The following FSTL5 variants were observed in gnomAD, a reference collection of about 807,000 sequenced individuals.
FSTL5 encodes follistatin like 5.
In FSTL5, 62 loss-of-function variants were observed where a neutral mutation model predicts 89.1. That is an observed-to-expected ratio of 0.70 (90% CI 0.57 to 0.86). The LOEUF (loss-of-function observed/expected upper bound fraction) is 0.86, where lower values mean the gene tolerates loss of function less well. Among genes scored for constraint, FSTL5 ranks in the 40% least tolerant of loss-of-function variants. The pLI is 0.00. For synonymous variants in FSTL5, 383 were observed against 346.2 expected, an observed-to-expected ratio of 1.11 and a Z score of -1.18; for missense variants, 1,057 against 1,001.6, an observed-to-expected ratio of 1.06 and a Z score of -0.75.
chr4:161,536,754 C>G (rs1052723422), intron 10 of FSTL5, among the ~76,000 whole-genome samples: 2 of 152,110 alleles, frequency 1.3e-5, no homozygotes, highest in Admixed American at 6.6e-5. Flanking sequence ...AGGTGTTTTA[C>G]TGTTGTAACT....
chr4:161,976,636 C>A (rs569294451), intron 3 of FSTL5, among the ~76,000 whole-genome samples: 1 of 152,126 alleles, frequency 6.6e-6, no homozygotes, highest in African/African-American at 2.4e-5. Flanking sequence ...CGCCCGCCAC[C>A]ACGCCTGGCT....
In FSTL5 at chr4:161,426,723, CTG is replaced by C. The variant is rs149810697; in HGVS notation, c.1841+28279_1841+28280del. 2.3e-3 allele frequency among the ~76,000 whole-genome samples: 352 copies of C among 152,298 alleles called. 1 individual carries two copies. Among genetic ancestry groups the C allele is most frequent in the African/African-American group, 8.1e-3 (338 of 41,564 alleles). ...TCTCCTTCCTCAGCCTCCCGAGTAA[CTG>C]TGAAGAAAAGTAAAACAACCTTACT... On this transcript the variant is annotated intron_variant, in intron 15 of 15. Transcript: ENST00000306100.
chr4:161,611,222 A>C (rs1394147142), intron 7 of FSTL5, among the ~76,000 whole-genome samples: 1 of 116,296 alleles, frequency 8.6e-6, no homozygotes. Flanking sequence ...ATATGTGTGT[A>C]TGTGTATACA....
intron 6 of FSTL5, among the ~76,000 whole-genome samples, chr4:161,702,644 C>T (rs1021424993): frequency 3.3e-5 from 5 of 152,118 alleles, no homozygotes; most frequent in Non-Finnish European, 7.4e-5. Context: ...CTGTAGAATG[C>T]TTTTATAAGT....
intron 6 of FSTL5, among the ~76,000 whole-genome samples, chr4:161,657,506 A>C (rs571707292): frequency 3.3e-5 from 5 of 152,298 alleles, no homozygotes; most frequent in African/African-American, 1.2e-4. Context: ...GATATTTGTC[A>C]CTGGGGTTGA....
chr4:161,742,726 A>G (rs1014474968), intron 6 of FSTL5, among the ~76,000 whole-genome samples: 1 of 152,184 alleles, frequency 6.6e-6, no homozygotes, highest in Admixed American at 6.5e-5. Context: ...ATGAACAATC[A>G]TGCAGTTGCA....
intron 2 of FSTL5, among the ~76,000 whole-genome samples, chr4:162,090,027 ACTGGCTAGC>A (rs1349945191): frequency 6.6e-6 from 1 of 152,194 alleles, no homozygotes; most frequent in Non-Finnish European, 1.5e-5. Flanking sequence ...TGCTGGGATA[ACTGGCTAGC>A]CACATGCAAA....
At position 161,860,701 on chromosome 4, in the gene FSTL5, A is replaced by C. The variant is rs1731883101; in HGVS notation, c.409+59703T>G. ...CTATTTGGTGATTCTCTGAGAAGGG[A>C]GTAAAGCCTTTATTTTTTATAGACC... On this transcript the variant is annotated intron_variant, in intron 4 of 15. Coordinates refer to ENST00000306100, the MANE Select transcript of FSTL5 (RefSeq NM_020116.5). 2.0e-5 allele frequency among the ~76,000 whole-genome samples: 3 copies of C among 152,158 alleles called. No homozygotes were observed. The South Asian group carries it at 6.2e-4, about 32-fold the overall frequency.
At chr4:161,406,442 A>G (rs2110921943) in intron 15 of FSTL5, among the ~76,000 whole-genome samples, 1 of 152,270 alleles carries the variant, frequency 6.6e-6, no homozygotes, top group East Asian at 1.9e-4. Context: ...TAAGTCTTCT[A>G]TCCTGGAGAA....
intron 15 of FSTL5, among the ~76,000 whole-genome samples, chr4:161,431,042 C>A (rs1474383874): frequency 6.6e-6 from 1 of 152,030 alleles, no homozygotes; most frequent in African/African-American, 2.4e-5. Flanking sequence ...CAGACCTGCC[C>A]TACAAAAAAT....
intron 4 of FSTL5, among the ~76,000 whole-genome samples, chr4:161,819,300 G>A (rs188775473): frequency 2.4e-4 from 37 of 152,148 alleles, no homozygotes; most frequent in Admixed American, 2.3e-3. Flanking sequence ...CTGAAAATAA[G>A]CAATAGTTTT....
intron 3 of FSTL5, among the ~76,000 whole-genome samples, chr4:162,012,694 A>G (rs2111134244): frequency 6.6e-6 from 1 of 152,278 alleles, no homozygotes; most frequent in African/African-American, 2.4e-5. Context: ...GCTTTTAGTT[A>G]AATTATATAA....
At position 162,146,752 on chromosome 4, in the gene FSTL5, T is replaced by TTCTCTCTC. The variant is rs373161292; in HGVS notation, c.-17+16855_-17+16862dup. Among the ~76,000 whole-genome samples the TTCTCTCTC allele has an allele frequency of 5.8e-3, 683 of 117,926 alleles. 6 individuals are homozygous for TTCTCTCTC. The highest frequency in any genetic ancestry group is 8.4e-3 in the Non-Finnish European group (419 of 50,024). The allele number at this position is 117,926 out of a possible 152,430, so 77.4% of individuals were successfully genotyped here. ...CTTCCCTCCTTTCTTTCTTTCTCCT[T>TTCTCTCTC]TCTCTCTCTCTCTCTCTCTCTTTCT... On this transcript the variant is annotated intron_variant, in intron 1 of 15. Coordinates refer to ENST00000306100, the MANE Select transcript of FSTL5 (RefSeq NM_020116.5).
chr4:161,423,123 T>A (rs1265656940), intron 15 of FSTL5, among the ~76,000 whole-genome samples: 1 of 152,172 alleles, frequency 6.6e-6, no homozygotes, highest in African/African-American at 2.4e-5. Flanking sequence ...GGCTTAAAAC[T>A]CCATTTCTTT....
chr4:161,760,382 G>A (rs982427430), intron 5 of FSTL5, among the ~76,000 whole-genome samples: 24 of 152,264 alleles, frequency 1.6e-4, no homozygotes, highest in African/African-American at 4.8e-4. Flanking sequence ...GCTTGAAGCT[G>A]TGCATCACAG....
intron 10 of FSTL5, among the ~76,000 whole-genome samples, chr4:161,515,732 A>G: frequency 6.6e-6 from 1 of 151,916 alleles, no homozygotes; most frequent in Admixed American, 6.6e-5. Context: ...CTAACCTAGT[A>G]CCAATATCAG....
intron 7 of FSTL5, among the ~76,000 whole-genome samples, chr4:161,633,238 T>TC (rs1207985341): frequency 8.0e-5 from 12 of 150,226 alleles, no homozygotes; most frequent in East Asian, 3.9e-4. Context: ...TTATACAGCT[T>TC]CCCCCCCACT....
intron 6 of FSTL5, among the ~76,000 whole-genome samples, chr4:161,722,860 C>T (rs1031764547): frequency 6.6e-6 from 1 of 151,908 alleles, no homozygotes. Flanking sequence ...CTAAGAATGC[C>T]ACTGAGACTT....
At chr4:161,469,800 G>A (rs1367527387) in intron 13 of FSTL5, among the ~76,000 whole-genome samples, 1 of 151,862 alleles carries the variant, frequency 6.6e-6, no homozygotes, top group Admixed American at 6.6e-5. Context: ...ACCACGCCCG[G>A]CTACTTTTTG....
Sources: gnomAD v4.1 joint callset for allele counts (sites outside exome capture counted in the v4.1 genomes callset) on GRCh38, gnomAD v4.1.1 for gene constraint, MANE v1.5 for transcripts, NCBI Gene and HGNC (gene_info 2026-07-23, HGNC 2026-07-21) for gene names.